DOCK3: variants seen among roughly 807,000 people sequenced by gnomAD.
DOCK3 encodes dedicator of cytokinesis 3.
Under a neutral mutation model 265.6 loss-of-function variants are expected in DOCK3, and 60 were observed. That is an observed-to-expected ratio of 0.23 (90% CI 0.18 to 0.28). The LOEUF (loss-of-function observed/expected upper bound fraction) is 0.28. Among genes scored for constraint, DOCK3 ranks in the 10% least tolerant of loss-of-function variants. The pLI, the probability that DOCK3 is intolerant of heterozygous loss-of-function variation, is 1.00. For synonymous variants in DOCK3, 881 were observed against 938.0 expected, an observed-to-expected ratio of 0.94 and a Z score of 1.11; for missense variants, 1,981 against 2,594.3, an observed-to-expected ratio of 0.76 and a Z score of 5.14.
intron 32 of DOCK3, among the ~76,000 whole-genome samples, chr3:51,326,035 C>T (rs921935242): frequency 2.6e-4 from 38 of 143,974 alleles, no homozygotes; most frequent in African/African-American, 8.6e-4. Flanking sequence ...CCGTTCTGCA[C>T]ATGTACCCCA....
intron 9 of DOCK3, among the ~76,000 whole-genome samples, chr3:51,143,485 G>A (rs929779551): frequency 6.6e-6 from 1 of 151,882 alleles, no homozygotes; most frequent in Non-Finnish European, 1.5e-5. Flanking sequence ...GGCCAGACTG[G>A]TCTCAAACTC....
intron 25 of DOCK3, among the ~76,000 whole-genome samples, chr3:51,275,964 A>C (rs987072238): frequency 6.6e-6 from 1 of 152,228 alleles, no homozygotes; most frequent in East Asian, 1.9e-4. Flanking sequence ...ATAGAAAAGC[A>C]TAAGGAAAGA....
chr3:50,847,349 C>A (rs967465788), intron 3 of DOCK3, among the ~76,000 whole-genome samples: 1 of 152,082 alleles, frequency 6.6e-6, no homozygotes, highest in Admixed American at 6.6e-5. Context: ...GTTGGTATGA[C>A]TTCCATTTTT....
chr3:50,814,560 C>T (rs1051994469), intron 2 of DOCK3, among the ~76,000 whole-genome samples: 5 of 152,096 alleles, frequency 3.3e-5, no homozygotes, highest in Middle Eastern at 3.2e-3. Context: ...AGCCACCGCA[C>T]CTGGCCTGGT....
chr3:51,305,761 T>TGTG (rs779031609), intron 27 of DOCK3, among the ~76,000 whole-genome samples: 1 of 149,354 alleles, frequency 6.7e-6, no homozygotes, highest in African/African-American at 2.5e-5. Flanking sequence ...TGTGTGTGTG[T>TGTG]TTTTATTATA....
intron 1 of DOCK3, among the ~76,000 whole-genome samples, chr3:50,744,421 A>G (rs1226575535): frequency 2.1e-5 from 3 of 144,296 alleles, no homozygotes; most frequent in African/African-American, 7.6e-5. Context: ...TAGCTCTTTG[A>G]TCCATCTTCA....
chr3:51,000,020 G>A (rs915706320), intron 5 of DOCK3, among the ~76,000 whole-genome samples: 7 of 152,180 alleles, frequency 4.6e-5, no homozygotes, highest in Non-Finnish European at 1.0e-4. Flanking sequence ...AGTGGACCTA[G>A]GGATCAGCCC....
chr3:50,877,663 T>TTCTTTTCTTC (rs1226222622), intron 3 of DOCK3: 7 of 369,514 alleles, frequency 1.9e-5, no homozygotes, highest in African/African-American at 1.5e-4. Context: ...TTCTTTTCTT[T>TTCTTTTCTTC]TCTTTTCTTT....
chr3:51,252,861 T>A (rs1360684472), intron 22 of DOCK3, among the ~76,000 whole-genome samples: 1 of 152,212 alleles, frequency 6.6e-6, no homozygotes, highest in Non-Finnish European at 1.5e-5. Context: ...TATTTCTTTC[T>A]CTTGCCTGAC....
intron 51 of DOCK3, among the ~76,000 whole-genome samples, chr3:51,377,304 C>A (rs1027395864): frequency 6.6e-6 from 1 of 152,262 alleles, no homozygotes; most frequent in Non-Finnish European, 1.5e-5. Flanking sequence ...TGCCCAGTGG[C>A]AACACACAGG....
In DOCK3 at chr3:51,064,513, G is replaced by A; in HGVS notation, c.381G>A (p.Arg127=). The change falls in exon 6 of 53, where the codon AGG becomes AGA. Residue 127 remains arginine (R), a synonymous_variant. Coordinates refer to ENST00000266037, the MANE Select transcript of DOCK3 (RefSeq NM_004947.5). ...TGAATGAACTTATTGACCTGCGAAG[G>A]CAGCTACTGTCTGGTCACCTGACTC... The part of the protein sequence containing the change: ...HVMNELIDLR[R]QLLSGHLTQD... The A allele has an allele frequency of 6.2e-7, 1 of 1,613,966 alleles. No individual in the cohort carries two copies. Among genetic ancestry groups the A allele is most frequent in the Non-Finnish European group, 8.5e-7 (1 of 1,179,868 alleles).
rs562258186 is a variant in DOCK3 at position 50,685,383 on chromosome 3, C to T, written c.37+10083C>T. Among the ~76,000 whole-genome samples, 5 of 152,274 alleles carry T rather than the reference C, an allele frequency of 3.3e-5. No homozygotes were observed. The South Asian group carries it at 1.0e-3, about 32-fold the overall frequency. Reference sequence around the variant, plus strand: ...TTGAGAGCAATAAATCCTCTCTTTACAAAAGTAAAAGGTCCCCTACTACCA... The same window carrying T: ...TTGAGAGCAATAAATCCTCTCTTTATAAAAGTAAAAGGTCCCCTACTACCA... On this transcript the variant is annotated intron_variant, in intron 1 of 52. Coordinates refer to ENST00000266037, the MANE Select transcript of DOCK3 (RefSeq NM_004947.5).
intron 5 of DOCK3, among the ~76,000 whole-genome samples, chr3:51,003,530 G>T (rs2078558687): frequency 6.6e-6 from 1 of 152,180 alleles, no homozygotes; most frequent in African/African-American, 2.4e-5. Flanking sequence ...ATGCATGATG[G>T]ATATTACTGA....
At chr3:50,703,472 T>A (rs2036184147) in intron 1 of DOCK3, among the ~76,000 whole-genome samples, 1 of 152,080 alleles carries the variant, frequency 6.6e-6, no homozygotes, top group Non-Finnish European at 1.5e-5. Context: ...CCTTTTTCTT[T>A]TTGGGAGACT....
At chr3:51,013,976 G>A (rs935817625) in intron 5 of DOCK3, among the ~76,000 whole-genome samples, 6 of 152,326 alleles carry the variant, frequency 3.9e-5, no homozygotes, top group East Asian at 3.9e-4. Flanking sequence ...TGAGCCATGC[G>A]CAGGATATAA....
At chr3:51,294,460 C>T (rs2081961516) in intron 27 of DOCK3, among the ~76,000 whole-genome samples, 2 of 152,002 alleles carry the variant, frequency 1.3e-5, no homozygotes, top group South Asian at 4.2e-4. Context: ...AGGCGGATCA[C>T]GAGGTCAGGA....
At chr3:50,850,556 G>A (rs572685549) in intron 3 of DOCK3, among the ~76,000 whole-genome samples, 113 of 152,208 alleles carry the variant, frequency 7.4e-4, no homozygotes, top group African/African-American at 2.6e-3. Flanking sequence ...CACTATATGT[G>A]TATTTTTCAT....
intron 12 of DOCK3, among the ~76,000 whole-genome samples, chr3:51,194,085 G>A (rs2107882684): frequency 6.6e-6 from 1 of 151,924 alleles, no homozygotes; most frequent in African/African-American, 2.4e-5. Context: ...ATGTCCTACA[G>A]GTTTGGTATG....
At chr3:51,276,528 A>G (rs2080827773) in intron 25 of DOCK3, 1 of 670,862 alleles carries the variant, frequency 1.5e-6, no homozygotes. Flanking sequence ...CCAAAGATAC[A>G]TCACTGGTAA....
Sources: allele counts gnomAD v4.1 joint callset (sites outside exome capture counted in the v4.1 genomes callset), GRCh38; gene constraint gnomAD v4.1.1; transcripts MANE v1.5; gene names NCBI Gene and HGNC (gene_info 2026-07-23, HGNC 2026-07-21).